The following SNTG1 variants were observed in gnomAD, a reference collection of about 807,000 sequenced individuals.
The protein encoded by SNTG1 is syntrophin gamma 1.
In SNTG1, 39 loss-of-function variants were observed where a neutral mutation model predicts 74.7. The ratio of observed to expected loss-of-function variants is 0.52; its 90% CI spans 0.40 to 0.68. The LOEUF (loss-of-function observed/expected upper bound fraction) is 0.68. Among genes scored for constraint, SNTG1 ranks in the 30% least tolerant of loss-of-function variants. The probability of loss-of-function intolerance (pLI) is 0.00; values close to 1 mark genes in which losing one functional copy is unlikely to be tolerated. For synonymous variants in SNTG1, 254 were observed against 217.1 expected, an observed-to-expected ratio of 1.17 and a Z score of -1.49; for missense variants, 685 against 609.5, an observed-to-expected ratio of 1.12 and a Z score of -1.30.
chr8:50,625,498 T>C (rs1254309301), intron 13 of SNTG1, among the ~76,000 whole-genome samples: 1 of 152,198 alleles, frequency 6.6e-6, no homozygotes, highest in Non-Finnish European at 1.5e-5. Context: ...ACCATAAATA[T>C]ATACAATTTT....
intron 1 of SNTG1, among the ~76,000 whole-genome samples, chr8:50,015,046 A>G (rs1816185174): frequency 1.3e-5 from 2 of 151,782 alleles, no homozygotes; most frequent in Non-Finnish European, 2.9e-5. Flanking sequence ...AATGTCCTAC[A>G]GAAGCCCAGA....
intron 1 of SNTG1, among the ~76,000 whole-genome samples, chr8:50,065,869 A>G (rs769020568): frequency 6.6e-6 from 1 of 152,170 alleles, no homozygotes; most frequent in Non-Finnish European, 1.5e-5. Flanking sequence ...TGTTTTGTCT[A>G]GAAGACTAAG....
At chr8:50,183,152 G>A (rs1417931290) in intron 2 of SNTG1, among the ~76,000 whole-genome samples, 1 of 152,116 alleles carries the variant, frequency 6.6e-6, no homozygotes, top group Admixed American at 6.6e-5. Context: ...CATTTCATCA[G>A]AATGCATTGC....
At chr8:49,928,451 G>A (rs532773622) in intron 1 of SNTG1, among the ~76,000 whole-genome samples, 15 of 151,908 alleles carry the variant, frequency 9.9e-5, no homozygotes, top group African/African-American at 3.1e-4. Context: ...GGCTGCTCTC[G>A]AACTCCTAAC....
chr8:50,324,948 T>C lies in SNTG1; in HGVS notation c.-27-69264T>C, dbSNP rs1215580944. ...TGTGTGCATTTTATACATATATATA[T>C]ATATATATATATATATATATATAGA... On this transcript the variant is annotated intron_variant, in intron 2 of 18. Coordinates refer to ENST00000642720, the MANE Select transcript of SNTG1 (RefSeq NM_018967.5). Among the ~76,000 whole-genome samples, 137 of 116,974 alleles carry C rather than the reference T, an allele frequency of 1.2e-3. 1 individual carries two copies. The highest frequency in any genetic ancestry group is 2.2e-3 in the Admixed American group (26 of 11,830). 76.7% of individuals were successfully genotyped at this position (116,974 alleles called of 152,430 possible).
intron 17 of SNTG1, chr8:50,709,240 T>C (rs1385667141): frequency 4.9e-6 from 2 of 407,710 alleles, no homozygotes; most frequent in South Asian, 1.1e-4. Flanking sequence ...TATCTATCAA[T>C]CATTTCCCTG....
In SNTG1 at chr8:50,653,974, G is replaced by GT. The variant is rs530852871; in HGVS notation, c.850-2926dup. The stretch of plus-strand genomic sequence containing the variant: ...TATTAAACCAATCATTAATGTACAC[G>GT]TTTTTTTTTCCTGTCTTCTTGCCAG... On this transcript the variant is annotated intron_variant, in intron 13 of 18. Transcript: ENST00000642720. Among the ~76,000 whole-genome samples, 72 of 151,256 alleles carry GT rather than the reference G, an allele frequency of 4.8e-4. No individual in the cohort carries two copies. The Middle Eastern group carries it at 0.017, about 36-fold the overall frequency.
chr8:50,493,268 G>A (rs2093874691), intron 8 of SNTG1, among the ~76,000 whole-genome samples: 2 of 152,102 alleles, frequency 1.3e-5, no homozygotes, highest in African/African-American at 4.8e-5. Context: ...TCTGTACAGA[G>A]GAAGAACCAG....
At chr8:50,351,689 C>A (rs1233415003) in intron 2 of SNTG1, among the ~76,000 whole-genome samples, 1 of 152,090 alleles carries the variant, frequency 6.6e-6, no homozygotes, top group Non-Finnish European at 1.5e-5. Context: ...AATTTTAAAA[C>A]TGAGGAGTTA....
chr8:49,985,673 C>T (rs950291046), intron 1 of SNTG1, among the ~76,000 whole-genome samples: 12 of 152,096 alleles, frequency 7.9e-5, no homozygotes, highest in Non-Finnish European at 1.3e-4. Flanking sequence ...AATGGCAATG[C>T]AAGTTTTGAT....
At chr8:50,566,411 C>G (rs140012392) in intron 12 of SNTG1, among the ~76,000 whole-genome samples, 3 of 152,050 alleles carry the variant, frequency 2.0e-5, no homozygotes, top group Non-Finnish European at 4.4e-5. Context: ...TTTGGAAAAT[C>G]ACAGAAACCA....
intron 2 of SNTG1, among the ~76,000 whole-genome samples, chr8:50,210,958 T>A (rs2084492576): frequency 6.6e-6 from 1 of 152,192 alleles, no homozygotes; most frequent in Non-Finnish European, 1.5e-5. Context: ...ATATTATTTG[T>A]AGTGCAAAAT....
intron 2 of SNTG1, among the ~76,000 whole-genome samples, chr8:50,239,271 A>T (rs1484864903): frequency 1.3e-5 from 2 of 152,220 alleles, no homozygotes; most frequent in Admixed American, 1.3e-4. Context: ...TGGATGATTT[A>T]GTTCATTCGC....
Position 50,584,769 on chromosome 8 carries a change from CAGA to C in SNTG1, c.811-6105_811-6103del, listed in dbSNP as rs199906970. ...GGATGATGCATTAGTGTGCCTGTAA[CAGA>C]AGAATACCAGTCTTCTTACTGTGAT... On this transcript the variant is annotated intron_variant, in intron 12 of 18. Transcript: ENST00000642720. Among the ~76,000 whole-genome samples, 317 of 152,206 alleles carry C rather than the reference CAGA, an allele frequency of 2.1e-3. 2 individuals carry two copies. Among genetic ancestry groups the C allele is most frequent in the Middle Eastern group, 6.8e-3 (2 of 294 alleles).
At chr8:50,016,181 GCTT>G (rs1346868457) in intron 1 of SNTG1, among the ~76,000 whole-genome samples, 1 of 152,042 alleles carries the variant, frequency 6.6e-6, no homozygotes, top group Non-Finnish European at 1.5e-5. Flanking sequence ...GTGCTTTGAA[GCTT>G]CTTCTCAATG....
At chr8:49,945,509 T>C (rs2129382496) in intron 1 of SNTG1, among the ~76,000 whole-genome samples, 1 of 152,328 alleles carries the variant, frequency 6.6e-6, no homozygotes, top group East Asian at 1.9e-4. Flanking sequence ...TGCTGCCTTA[T>C]AAACAAAATG....
intron 1 of SNTG1, among the ~76,000 whole-genome samples, chr8:50,160,948 A>T (rs2082396943): frequency 6.6e-6 from 1 of 152,138 alleles, no homozygotes; most frequent in East Asian, 1.9e-4. Flanking sequence ...GTTCAGGCAG[A>T]CACAGCCACC....
chr8:50,335,246 A>G (rs915710853), intron 2 of SNTG1, among the ~76,000 whole-genome samples: 3 of 152,170 alleles, frequency 2.0e-5, no homozygotes, highest in Admixed American at 2.0e-4. Context: ...ACAGATAACC[A>G]CAAACTTGGT....
At chr8:50,000,012 C>A (rs992031047) in intron 1 of SNTG1, among the ~76,000 whole-genome samples, 4 of 152,132 alleles carry the variant, frequency 2.6e-5, no homozygotes, top group Non-Finnish European at 5.9e-5. Context: ...GACTTGCAAT[C>A]CTTCTTCACT....
Sources: gnomAD v4.1 joint callset for allele counts (sites outside exome capture counted in the v4.1 genomes callset) on GRCh38, gnomAD v4.1.1 for gene constraint, MANE v1.5 for transcripts, NCBI Gene and HGNC (gene_info 2026-07-23, HGNC 2026-07-21) for gene names.